Variants in BIN1 observed in about 807,000 individuals in gnomAD.
BIN1 encodes myc box-dependent-interacting protein 1.
A neutral mutation model predicts 82.0 loss-of-function variants in BIN1; 53 were observed. That is an observed-to-expected ratio of 0.65 (90% CI 0.52 to 0.81). The LOEUF is 0.81. Ranked by LOEUF, BIN1 falls within the 40% of genes least tolerant of loss-of-function variation. The probability of loss-of-function intolerance (pLI) is 0.00; values close to 1 mark genes in which losing one functional copy is unlikely to be tolerated. For missense variants in BIN1, 642 were observed against 784.4 expected (o/e 0.82, Z 2.17); for synonymous variants, 302 against 328.0 (o/e 0.92, Z 0.86).
intron 1 of BIN1, among the ~76,000 whole-genome samples, chr2:127,084,669 G>T (rs895509245): frequency 6.6e-6 from 1 of 152,256 alleles, no homozygotes; most frequent in Non-Finnish European, 1.5e-5. Flanking sequence ...GAAGGATTTG[G>T]CTCTGCAGCG....
chr2:127,082,827 G>A lies in BIN1; in HGVS notation c.85-6121C>T, dbSNP rs1397954327. ...AGCCTGCTCCCCACCTCTGGGTGGA[G>A]AGTCTCGGTGGCCTCCAACAATCTA... is the stretch of plus-strand genomic sequence containing the variant. On this transcript the variant is annotated intron_variant, in intron 1 of 18. Coordinates refer to ENST00000316724, the MANE Select transcript of BIN1 (RefSeq NM_139343.3). The surrounding 1 kb of genome is among the most constrained non-coding windows in gnomAD (Gnocchi z 6.1). Among the ~76,000 whole-genome samples the A allele has an allele frequency of 6.6e-6, 1 of 151,896 alleles. No individual in the cohort carries two copies. The highest frequency in any genetic ancestry group is 1.5e-5 in the Non-Finnish European group (1 of 67,958).
At chr2:127,072,970 T>C (rs1002651124) in intron 2 of BIN1, among the ~76,000 whole-genome samples, 2 of 152,136 alleles carry the variant, frequency 1.3e-5, no homozygotes, top group Admixed American at 1.3e-4. Context: ...AGATCCAGCT[T>C]CTCTCCCTGC....
intron 1 of BIN1, among the ~76,000 whole-genome samples, chr2:127,084,355 CTTCGTT>C (rs553455230): frequency 6.6e-6 from 1 of 152,322 alleles, no homozygotes; most frequent in African/African-American, 2.4e-5. Context: ...ATCGTGAGTC[CTTCGTT>C]TTGCGTTCGT....
intron 2 of BIN1, among the ~76,000 whole-genome samples, chr2:127,074,298 C>T (rs1686319375): frequency 6.6e-6 from 1 of 152,172 alleles, no homozygotes; most frequent in African/African-American, 2.4e-5. Flanking sequence ...CTGCCATCCC[C>T]ACACACCAAT....
At chr2:127,081,734 C>CCA (rs148467723) in intron 1 of BIN1, 3 of 1,225,262 alleles carry the variant, frequency 2.4e-6, no homozygotes, top group South Asian at 1.3e-5. Context: ...CACCCCACCC[C>CCA]CACACACACA....
At chr2:127,105,467 C>CCCTCCCCCT (rs1553490297) in intron 1 of BIN1, among the ~76,000 whole-genome samples, 1 of 55,772 alleles carries the variant, frequency 1.8e-5, no homozygotes, top group African/African-American at 5.5e-5. Context: ...GGGCTTTAAT[C>CCCTCCCCCT]CCTCCTCCTC....
Position 127,059,206 on chromosome 2 carries a change from G to A in BIN1, c.858-51C>T. On this transcript the variant is annotated intron_variant, in intron 10 of 18. Transcript: ENST00000316724. This position sits in a 1 kb window ranked among gnomAD's most constrained non-coding sequence, Gnocchi z 6.7. ...CCCAGTGTTGGGGGGCCAAGGCACA[G>A]GAGACGGAGGGGCAAATGTATTGAC... 6.5e-7 allele frequency: 1 copy of A among 1,544,576 alleles called. No individual in the cohort carries two copies.
At chr2:127,077,367 A>G (rs1686750189) in intron 1 of BIN1, among the ~76,000 whole-genome samples, 1 of 152,220 alleles carries the variant, frequency 6.6e-6, no homozygotes, top group South Asian at 2.1e-4. Flanking sequence ...ACATGAGCTC[A>G]CAGCTCTGCT....
rs779741873 is a variant in BIN1, at chr2:127,057,650, C to G, written c.1003-49G>C. ...GGCCGCGCGGGAAGGCACAGCAGAG[C>G]ACGGGGTTTGGGGGAGACAGACAGA... On this transcript the variant is annotated intron_variant, in intron 11 of 18. Coordinates refer to ENST00000316724, the MANE Select transcript of BIN1 (RefSeq NM_139343.3). This position sits in a 1 kb window ranked among gnomAD's most constrained non-coding sequence, Gnocchi z 5.0. 1 of 1,471,202 alleles carries G rather than the reference C, an allele frequency of 6.8e-7. No individual in the cohort carries two copies. Among genetic ancestry groups the G allele is most frequent in the Non-Finnish European group, 9.1e-7 (1 of 1,104,430 alleles). 91.1% of individuals were successfully genotyped at this position (1,471,202 alleles called of 1,614,324 possible). A position where few individuals can be genotyped will look rare whatever the true frequency, so the allele number is the denominator to read the frequency against.
chr2:127,053,847 C>T, intron 13 of BIN1, 58 bp downstream of exon 13: 2 of 1,511,666 alleles, frequency 1.3e-6, no homozygotes, highest in Admixed American at 2.0e-5. Flanking sequence ...GCAACATGAG[C>T]CCAGGGTTGG....
intron 1 of BIN1, among the ~76,000 whole-genome samples, chr2:127,097,797 C>G (rs556067309): frequency 6.6e-6 from 1 of 152,220 alleles, no homozygotes; most frequent in Admixed American, 6.5e-5. Flanking sequence ...ACCCAAGGGC[C>G]CTGGGCTACA....
At chr2:127,091,965 C>T (rs896817567) in intron 1 of BIN1, among the ~76,000 whole-genome samples, 5 of 148,360 alleles carry the variant, frequency 3.4e-5, no homozygotes, top group African/African-American at 1.2e-4. Flanking sequence ...GGGACAAGAA[C>T]ATGCGGAGGG....
intron 1 of BIN1, among the ~76,000 whole-genome samples, chr2:127,098,027 G>A (rs1336875559): frequency 3.3e-5 from 5 of 152,226 alleles, no homozygotes; most frequent in Admixed American, 6.5e-5. Flanking sequence ...GTCCTGGGAT[G>A]AGTGCTGTGT....
chr2:127,077,201 G>C lies in BIN1; in HGVS notation c.85-495C>G, dbSNP rs1458214288. Among the ~76,000 whole-genome samples, 6 of 152,236 alleles carry C rather than the reference G, an allele frequency of 3.9e-5. No individual in the cohort carries two copies. The East Asian group carries it at 1.2e-3, about 29-fold the overall frequency. On this transcript the variant is annotated intron_variant, in intron 1 of 18. Coordinates refer to ENST00000316724, the MANE Select transcript of BIN1 (RefSeq NM_139343.3). The stretch of plus-strand genomic sequence containing the variant: ...CCCTGAACCGGCAGGAGCCATCCCG[G>C]AACAAGGAGGGCAGCGAGCGGTGGC...
rs11887821 is a variant in BIN1, at chr2:127,090,290, C to T, written c.85-13584G>A. 1.4e-3 allele frequency among the ~76,000 whole-genome samples: 207 copies of T among 152,334 alleles called. No homozygotes were observed. Among genetic ancestry groups the T allele is most frequent in the African/African-American group, 4.5e-3 (189 of 41,570 alleles). On this transcript the variant is annotated intron_variant, in intron 1 of 18. Coordinates refer to ENST00000316724, the MANE Select transcript of BIN1 (RefSeq NM_139343.3). This position sits in a 1 kb window ranked among gnomAD's most constrained non-coding sequence, Gnocchi z 6.4. ...GCAGCAAGGCCAGCCTGGTGCAACC[C>T]GCTGTGGCCACATGAGGAGCCCTGA...
chr2:127,086,289 G>C (rs1031881425), intron 1 of BIN1, among the ~76,000 whole-genome samples: 9 of 152,140 alleles, frequency 5.9e-5, no homozygotes, highest in African/African-American at 2.2e-4. Flanking sequence ...TGGGGGGAGC[G>C]GGCGTGTGTC....
intron 7 of BIN1, among the ~76,000 whole-genome samples, chr2:127,066,557 A>G (rs1034495167): frequency 3.3e-5 from 5 of 152,216 alleles, no homozygotes; most frequent in Non-Finnish European, 7.3e-5. Flanking sequence ...TTCTAGCCCA[A>G]GTGCTGAACT....
rs191171124 is a variant in BIN1 at position 127,073,012 on chromosome 2, C to T, written c.166-2196G>A. 4.0e-3 allele frequency among the ~76,000 whole-genome samples: 605 copies of T among 152,362 alleles called. 3 individuals are homozygous for T. Among genetic ancestry groups the T allele is most frequent in the African/African-American group, 0.013 (549 of 41,590 alleles). On this transcript the variant is annotated intron_variant, in intron 2 of 18. Coordinates refer to ENST00000316724, the MANE Select transcript of BIN1 (RefSeq NM_139343.3). ...TCCACCATCCCAGCCACACCTCTCA[C>T]GCCGTCCCCACCTCCCCCCCACAGC...
chr2:127,098,312 C>T (rs899083469), intron 1 of BIN1, among the ~76,000 whole-genome samples: 11 of 152,282 alleles, frequency 7.2e-5, no homozygotes, highest in Admixed American at 2.0e-4. Context: ...ATCCTTCCCC[C>T]GCCCCCAACC....
Sources: gnomAD v4.1 joint callset for allele counts (sites outside exome capture counted in the v4.1 genomes callset) on GRCh38, gnomAD v4.1.1 for gene constraint, Gnocchi (gnomAD v3.1) non-coding constraint, MANE v1.5 for transcripts, NCBI Gene and HGNC (gene_info 2026-07-23, HGNC 2026-07-21) for gene names.